The following BEND5 variants were observed in gnomAD, a reference collection of about 807,000 sequenced individuals.
The protein encoded by BEND5 is BEN domain containing 5.
Under a neutral mutation model 43.9 loss-of-function variants are expected in BEND5, and 22 were observed. The ratio of observed to expected loss-of-function variants is 0.50; its 90% CI spans 0.36 to 0.72. The LOEUF (loss-of-function observed/expected upper bound fraction) is 0.72, where lower values mean the gene tolerates loss of function less well. BEND5 is among the 30% of genes least tolerant of loss of function. The probability of loss-of-function intolerance (pLI) is 0.00; values close to 1 mark genes in which losing one functional copy is unlikely to be tolerated. For missense variants in BEND5, 428 were observed against 550.6 expected, an observed-to-expected ratio of 0.78 and a Z score of 2.23; for synonymous variants, 228 against 225.9, an observed-to-expected ratio of 1.01 and a Z score of -0.08.
At chr1:48,756,031 A>G (rs1318004921) in intron 3 of BEND5, among the ~76,000 whole-genome samples, 1 of 152,204 alleles carries the variant, frequency 6.6e-6, no homozygotes, top group Non-Finnish European at 1.5e-5. Flanking sequence ...ACCCTGTCTT[A>G]GCTCCTCCAT....
intron 4 of BEND5, among the ~76,000 whole-genome samples, chr1:48,739,432 C>A (rs1409055857): frequency 6.6e-6 from 1 of 152,186 alleles, no homozygotes; most frequent in Non-Finnish European, 1.5e-5. Flanking sequence ...CCATTCTGTT[C>A]ACTACTACTT....
At chr1:48,753,044 G>A (rs1260380555) in intron 3 of BEND5, among the ~76,000 whole-genome samples, 3 of 152,156 alleles carry the variant, frequency 2.0e-5, no homozygotes, top group African/African-American at 7.2e-5. Context: ...CACTGCCCCC[G>A]GCCCATTTGC....
chr1:48,766,373 AAATACTGAATG>A (rs1644530513), intron 1 of BEND5, among the ~76,000 whole-genome samples: 1 of 152,210 alleles, frequency 6.6e-6, no homozygotes, highest in East Asian at 1.9e-4. Flanking sequence ...GAGCCAGAAT[AAATACTGAATG>A]AATGAGTGAA....
intron 1 of BEND5, among the ~76,000 whole-genome samples, chr1:48,770,115 A>C (rs1426670385): frequency 6.6e-6 from 1 of 152,170 alleles, no homozygotes; most frequent in Admixed American, 6.5e-5. Flanking sequence ...TGCTCCCACC[A>C]ATGCCTGTGA....
At chr1:48,739,558 C>A (rs971926991) in intron 4 of BEND5, among the ~76,000 whole-genome samples, 1 of 152,176 alleles carries the variant, frequency 6.6e-6, no homozygotes, top group Non-Finnish European at 1.5e-5. Flanking sequence ...GCTGGAGCTG[C>A]CAGCCTGGGT....
At chr1:48,776,391 A>T (rs1338460757) in intron 1 of BEND5, among the ~76,000 whole-genome samples, 1 of 152,170 alleles carries the variant, frequency 6.6e-6, no homozygotes, top group Non-Finnish European at 1.5e-5. Flanking sequence ...AGCTTCGGGG[A>T]AGCGGGGAAG....
intron 3 of BEND5, among the ~76,000 whole-genome samples, chr1:48,752,486 A>G (rs1651902366): frequency 1.3e-5 from 2 of 152,182 alleles, no homozygotes; most frequent in South Asian, 4.1e-4. Flanking sequence ...ATGGTTGTAA[A>G]ACAGAGTGTT....
intron 1 of BEND5, among the ~76,000 whole-genome samples, chr1:48,774,834 G>C (rs569628595): frequency 6.6e-6 from 1 of 152,294 alleles, no homozygotes; most frequent in Admixed American, 6.5e-5. Flanking sequence ...GTAGATGAAT[G>C]AAACAATCTC....
Position 48,759,164 on chromosome 1 carries a change from C to T in BEND5, c.481G>A (p.Val161Met), listed in dbSNP as rs374150750. The T allele has an allele frequency of 1.2e-5, 20 of 1,614,196 alleles. No individual in the cohort carries two copies. The highest frequency in any genetic ancestry group is 6.7e-5 in the Admixed American group (4 of 60,026). Residue 161 changes from valine (V) to methionine (M), a missense_variant, in exon 3 of 6, where the codon GTG becomes ATG. Coordinates refer to ENST00000371833, the MANE Select transcript of BEND5 (RefSeq NM_024603.4). ...TCCTCTGTGCCTGGCGAGGCCTCCA[C>T]GAAGACCTCTTCCGGACACGTGCTA... ...GHSTCPEEVFVEASPGTEDMD... is the reference protein window; with the variant it reads ...GHSTCPEEVFMEASPGTEDMD...
chr1:48,748,733 T>TA (rs1651167947), intron 3 of BEND5, among the ~76,000 whole-genome samples: 1 of 152,048 alleles, frequency 6.6e-6, no homozygotes, highest in Non-Finnish European at 1.5e-5. Flanking sequence ...CACTGCCGGT[T>TA]AAGGGATCCT....
intron 3 of BEND5, among the ~76,000 whole-genome samples, chr1:48,752,298 A>T (rs1385653609): frequency 6.6e-6 from 1 of 152,178 alleles, no homozygotes; most frequent in African/African-American, 2.4e-5. Flanking sequence ...CCAAGAAGAG[A>T]GTCCTGGCAA....
intron 3 of BEND5, among the ~76,000 whole-genome samples, chr1:48,744,730 C>T (rs1186128914): frequency 1.3e-5 from 2 of 152,160 alleles, no homozygotes; most frequent in African/African-American, 2.4e-5. Context: ...GCTTAGGCTG[C>T]CCACTACCCT....
At chr1:48,748,230 T>A (rs1277246102) in intron 3 of BEND5, among the ~76,000 whole-genome samples, 1 of 152,176 alleles carries the variant, frequency 6.6e-6, no homozygotes, top group Non-Finnish European at 1.5e-5. Flanking sequence ...AGGATCCCCC[T>A]CTGTGGACCT....
At chr1:48,741,512 T>C (rs1184021183) in intron 4 of BEND5, among the ~76,000 whole-genome samples, 1 of 152,202 alleles carries the variant, frequency 6.6e-6, no homozygotes, top group East Asian at 1.9e-4. Flanking sequence ...GCCTGGCCCA[T>C]CAGCTTTGCC....
At chr1:48,742,525 C>T in intron 4 of BEND5, 98 bp downstream of exon 4, 1 of 1,256,270 alleles carries the variant, frequency 8.0e-7, no homozygotes, top group Non-Finnish European at 1.0e-6. Flanking sequence ...GGAGGCCAAC[C>T]AGTCAAGCTG....
At chr1:48,750,496 C>T (rs781420829) in intron 3 of BEND5, among the ~76,000 whole-genome samples, 22 of 152,174 alleles carry the variant, frequency 1.4e-4, no homozygotes, top group Admixed American at 4.6e-4. Context: ...ATGTAAGGAG[C>T]TCTCTTTTGT....
intron 1 of BEND5, among the ~76,000 whole-genome samples, chr1:48,763,100 AAACAACAAC>A (rs138330596): frequency 5.6e-4 from 84 of 151,204 alleles, no homozygotes; most frequent in Admixed American, 2.0e-3. Context: ...GATTTAATTA[AAACAACAAC>A]AACAACAACA....
rs1180213008 is a variant in BEND5 at position 48,742,684 on chromosome 1, G to T, written c.833C>A (p.Thr278Lys). The change falls in exon 4 of 6, where the codon ACG becomes AAG. Residue 278 changes from threonine to lysine, a missense_variant. Physicochemically the swap from Thr to Lys is moderately conservative, Grantham distance 78 (BLOSUM62 -1). This residue lies in a region of BEND5 where 243 missense variants were observed against 286.4 expected (regional missense o/e 0.85). Transcript: ENST00000371833. ...CGCAGGAGCGGGGTAATAGGACGAC[G>T]TATTTGCTTCCTCACTGAAAGTGCT... is the stretch of plus-strand genomic sequence containing the variant. ...LRSTFSEEAN[T>K]SSYYPAPAPV... 2 of 1,611,456 alleles carry T rather than the reference G, an allele frequency of 1.2e-6. No individual in the cohort carries two copies. Among genetic ancestry groups the T allele is most frequent in the African/African-American group, 1.3e-5 (1 of 74,970 alleles).
intron 1 of BEND5, among the ~76,000 whole-genome samples, chr1:48,766,628 C>T (rs1286214522): frequency 7.2e-5 from 11 of 152,272 alleles, no homozygotes; most frequent in African/African-American, 2.6e-4. Flanking sequence ...GGAATGAGTT[C>T]AGGAAAGGGA....
Sources: gnomAD v4.1 joint callset for allele counts (sites outside exome capture counted in the v4.1 genomes callset) on GRCh38, gnomAD v4.1.1 for gene constraint, gnomAD v4.1.1 regional missense constraint, MANE v1.5 for transcripts, NCBI Gene and HGNC (gene_info 2026-07-23, HGNC 2026-07-21) for gene names.